SORBS2: variants seen among roughly 807,000 people sequenced by gnomAD.
SORBS2 encodes the protein sorbin and SH3 domain-containing protein 2.
Under a neutral mutation model 97.7 loss-of-function variants are expected in SORBS2, and 46 were observed. That is an observed-to-expected ratio of 0.47 (90% CI 0.37 to 0.60). The LOEUF is 0.60. Among genes scored for constraint, SORBS2 ranks in the 20% least tolerant of loss-of-function variants. The pLI, the probability that SORBS2 is intolerant of heterozygous loss-of-function variation, is 0.00. For synonymous variants in SORBS2, 476 were observed against 473.4 expected (o/e 1.01, Z -0.07); for missense variants, 1,316 against 1,282.3 (o/e 1.03, Z -0.40).
intron 1 of SORBS2, among the ~76,000 whole-genome samples, chr4:185,911,225 T>C (rs1354320487): frequency 6.6e-6 from 1 of 152,078 alleles, no homozygotes; most frequent in Non-Finnish European, 1.5e-5. Flanking sequence ...TTCAAAATTA[T>C]GATGATTTTC....
chr4:185,686,924 G>A (rs1385276274), intron 2 of SORBS2, among the ~76,000 whole-genome samples: 1 of 152,126 alleles, frequency 6.6e-6, no homozygotes, highest in Non-Finnish European at 1.5e-5. Context: ...ACTTGCTTGG[G>A]GCAGTGCCTG....
At chr4:185,611,878 C>T (rs374084265) in exon 12 of SORBS2, 1 of 1,614,006 alleles carries the variant, frequency 6.2e-7, no homozygotes, top group Non-Finnish European at 8.5e-7. Context: ...TTCTTGACGA[C>T]CTCCACATAG....
At chr4:185,808,810 T>C (rs971649148) in intron 1 of SORBS2, among the ~76,000 whole-genome samples, 20 of 152,226 alleles carry the variant, frequency 1.3e-4, no homozygotes, top group Non-Finnish European at 2.4e-4. Flanking sequence ...TATAATCGGC[T>C]ACTAATCATC....
At chr4:185,858,095 G>T (rs1381309447) in intron 1 of SORBS2, among the ~76,000 whole-genome samples, 3 of 152,118 alleles carry the variant, frequency 2.0e-5, no homozygotes, top group Non-Finnish European at 4.4e-5. Flanking sequence ...CTCCATCACG[G>T]TCCTATCAAT....
At chr4:185,763,142 T>C (rs1401473999) in intron 2 of SORBS2, among the ~76,000 whole-genome samples, 1 of 152,150 alleles carries the variant, frequency 6.6e-6, no homozygotes, top group East Asian at 1.9e-4. Flanking sequence ...TGAGCCGAGA[T>C]TGCGCCACTG....
intron 2 of SORBS2, among the ~76,000 whole-genome samples, chr4:185,714,283 T>G (rs2098447063): frequency 6.6e-6 from 1 of 152,220 alleles, no homozygotes; most frequent in Admixed American, 6.5e-5. Flanking sequence ...TTTGCAGCAG[T>G]GTCTTGCTTT....
intron 2 of SORBS2, among the ~76,000 whole-genome samples, chr4:185,681,033 G>GTGTCCACA (rs1359273081): frequency 1.3e-5 from 2 of 152,076 alleles, no homozygotes; most frequent in African/African-American, 4.8e-5. Context: ...GTCTTGCATC[G>GTGTCCACA]CACAGTGGAC....
chr4:185,628,059 C>T (rs1207786961), intron 5 of SORBS2, among the ~76,000 whole-genome samples: 5 of 152,182 alleles, frequency 3.3e-5, no homozygotes, highest in African/African-American at 1.2e-4. Context: ...CATGGATGCG[C>T]CACAGTTTAT....
At chr4:185,908,388 C>G (rs1249774027) in intron 1 of SORBS2, among the ~76,000 whole-genome samples, 1 of 127,508 alleles carries the variant, frequency 7.8e-6, no homozygotes, top group Non-Finnish European at 1.6e-5. Context: ...AGTAAATGGC[C>G]ACTCGAGGTA....
intron 12 of SORBS2, among the ~76,000 whole-genome samples, chr4:185,611,543 T>C (rs1364207685): frequency 1.3e-5 from 2 of 152,200 alleles, no homozygotes; most frequent in African/African-American, 4.8e-5. Flanking sequence ...TCTCTTTCGA[T>C]ATTTTAACTT....
intron 2 of SORBS2, among the ~76,000 whole-genome samples, chr4:185,770,324 G>A (rs1351684392): frequency 6.6e-6 from 1 of 152,186 alleles, no homozygotes; most frequent in East Asian, 1.9e-4. Context: ...TGTTAGGAAT[G>A]CACTCCACTC....
upstream of SORBS2, chr4:185,656,988 G>T: frequency 9.5e-7 from 1 of 1,058,018 alleles, no homozygotes; most frequent in Non-Finnish European, 1.2e-6. Flanking sequence ...CAATCTCCCG[G>T]TGTTAACACA....
chr4:185,691,959 G>C (rs2098106005), intron 2 of SORBS2, among the ~76,000 whole-genome samples: 1 of 152,224 alleles, frequency 6.6e-6, no homozygotes, highest in African/African-American at 2.4e-5. Flanking sequence ...ATGTTAGCCA[G>C]GATGGCTACG....
intron 2 of SORBS2, among the ~76,000 whole-genome samples, chr4:185,733,560 G>A (rs368431878): frequency 6.6e-6 from 1 of 152,186 alleles, no homozygotes; most frequent in Admixed American, 6.5e-5. Context: ...GTGTGTGCTT[G>A]GGGATAAGGG....
intron 2 of SORBS2, among the ~76,000 whole-genome samples, chr4:185,768,255 T>C (rs1045693572): frequency 1.3e-5 from 2 of 152,180 alleles, no homozygotes; most frequent in African/African-American, 2.4e-5. Flanking sequence ...CCATGTTCAT[T>C]GAAGGGCCTA....
At chr4:185,678,463 C>T (rs2153500713) in exon 4 of SORBS2, 1 of 1,551,026 alleles carries the variant, frequency 6.4e-7, no homozygotes, top group Non-Finnish European at 8.7e-7. Context: ...TGGTCGAACG[C>T]TTCTAAAACC....
At chr4:185,867,025 A>G (rs2099227256) in intron 1 of SORBS2, among the ~76,000 whole-genome samples, 1 of 151,990 alleles carries the variant, frequency 6.6e-6, no homozygotes, top group Admixed American at 6.6e-5. Flanking sequence ...TTATTTATTT[A>G]TTTTGAGATG....
rs77350827 is a variant in SORBS2 at position 185,809,416 on chromosome 4, G to A, written c.-337-34050C>T. Among the ~76,000 whole-genome samples the A allele has an allele frequency of 3.2e-4, 35 of 109,478 alleles. 1 individual carries two copies. In the East Asian group the frequency reaches 0.011, roughly 34 times the overall value. 71.8% of individuals were successfully genotyped at this position (109,478 alleles called of 152,430 possible). On this transcript the variant is annotated intron_variant, in intron 1 of 20. Coordinates refer to the SORBS2 transcript ENST00000284776. ...TGAAAGCAGCTGTCCTTGCAGGGGA[G>A]ATTTAAAGGAAATGACTCTTCAGGG...
At chr4:185,656,971 C>T, upstream of SORBS2, 1 of 1,126,604 alleles carries the variant, frequency 8.9e-7, no homozygotes, top group Non-Finnish European at 1.1e-6. Flanking sequence ...TCCCAAATCA[C>T]AGCTTCCAAT....
Sources: gnomAD v4.1 joint callset for allele counts (sites outside exome capture counted in the v4.1 genomes callset) on GRCh38, gnomAD v4.1.1 for gene constraint, MANE v1.5 for transcripts, NCBI Gene and HGNC (gene_info 2026-07-23, HGNC 2026-07-21) for gene names.